Variants in C13orf42 observed in about 807,000 individuals in gnomAD.
The protein encoded by C13orf42 is chromosome 13 open reading frame 42.
chr13:51,169,314 A>T (rs1953926740), intron 1 of C13orf42, among the ~76,000 whole-genome samples: 1 of 152,228 alleles, frequency 6.6e-6, no homozygotes, highest in Admixed American at 6.5e-5. Context: ...ATTTATTGAG[A>T]ACCAGAGCCA....
chr13:51,138,392 C>T (rs1953672928), intron 1 of C13orf42, among the ~76,000 whole-genome samples: 1 of 151,986 alleles, frequency 6.6e-6, no homozygotes, highest in Non-Finnish European at 1.5e-5. Flanking sequence ...ACCTAATAAC[C>T]TAATTTTAAA....
At chr13:51,161,314 G>C (rs148377533) in intron 1 of C13orf42, among the ~76,000 whole-genome samples, 40 of 151,864 alleles carry the variant, frequency 2.6e-4, no homozygotes, top group African/African-American at 8.9e-4. Flanking sequence ...GAAATGCATG[G>C]ATGTATGAGC....
chr13:51,085,280 G>A (rs1200167360), intron 3 of C13orf42, 39 bp downstream of exon 3: 7 of 397,120 alleles, frequency 1.8e-5, no homozygotes, highest in Non-Finnish European at 2.2e-5. Context: ...TGGAGGCCAC[G>A]AGAACATCTT....
At chr13:51,115,038 A>G (rs1400698730), upstream of C13orf42, among the ~76,000 whole-genome samples, 1 of 152,182 alleles carries the variant, frequency 6.6e-6, no homozygotes, top group Non-Finnish European at 1.5e-5. Flanking sequence ...TAAATGAGAT[A>G]ATAGAGAGCA....
In C13orf42 at chr13:51,169,922, C is replaced by T. The variant is rs9591397; in HGVS notation, n.136+2331G>A. 3.6e-3 allele frequency among the ~76,000 whole-genome samples: 546 copies of T among 152,314 alleles called. 5 individuals carry two copies. The highest frequency in any genetic ancestry group is 0.011 in the African/African-American group (463 of 41,548). ...GCATCCCCTGTGACTTGCATGTATACGCCCAGATGGCCTGAAGTAACTGAA... is the reference window on the plus strand; with the variant it reads ...GCATCCCCTGTGACTTGCATGTATATGCCCAGATGGCCTGAAGTAACTGAA... On this transcript the variant is annotated intron_variant and non_coding_transcript_variant, in intron 1 of 4. Coordinates refer to the C13orf42 transcript ENST00000433280.
chr13:51,115,066 CTCAA>C (rs140176331), upstream of C13orf42, among the ~76,000 whole-genome samples: 1,851 of 152,198 alleles, frequency 0.012, 35 homozygotes, highest in African/African-American at 0.041. Context: ...TGCATATTTG[CTCAA>C]TCATAGTAAT....
intron 1 of C13orf42, among the ~76,000 whole-genome samples, chr13:51,108,679 T>C (rs1953390419): frequency 6.6e-6 from 1 of 152,220 alleles, no homozygotes; most frequent in African/African-American, 2.4e-5. Flanking sequence ...ATCATTTCCA[T>C]TACTACCTGA....
chr13:51,141,095 G>GGGGTGTGT (rs1555268146), intron 1 of C13orf42, among the ~76,000 whole-genome samples: 2 of 128,498 alleles, frequency 1.6e-5, no homozygotes, highest in African/African-American at 5.9e-5. Context: ...ATCGAAGGGA[G>GGGGTGTGT]GTGTGTGTGT....
intron 2 of C13orf42, among the ~76,000 whole-genome samples, chr13:51,086,016 C>CA (rs1007251140): frequency 6.6e-6 from 1 of 151,030 alleles, no homozygotes; most frequent in Non-Finnish European, 1.5e-5. Context: ...GACTCCGTCT[C>CA]AAAAAAAAGG....
At chr13:51,128,218 G>A (rs1435528822) in intron 1 of C13orf42, among the ~76,000 whole-genome samples, 5 of 152,234 alleles carry the variant, frequency 3.3e-5, no homozygotes, top group African/African-American at 1.2e-4. Context: ...TCTGCCTATG[G>A]AGTAGCCATT....
At chr13:51,110,267 A>G (rs1449906174) in intron 1 of C13orf42, among the ~76,000 whole-genome samples, 1 of 152,234 alleles carries the variant, frequency 6.6e-6, no homozygotes. Context: ...TTTGTTGAAA[A>G]ATGATTTGCT....
chr13:51,104,081 T>C (rs1338125910), intron 1 of C13orf42, among the ~76,000 whole-genome samples: 1 of 152,228 alleles, frequency 6.6e-6, no homozygotes, highest in Admixed American at 6.5e-5. Flanking sequence ...GAAATAATTG[T>C]CAAACCTTTT....
chr13:51,150,332 G>C (rs149560483), intron 1 of C13orf42, among the ~76,000 whole-genome samples: 1 of 152,144 alleles, frequency 6.6e-6, no homozygotes, highest in Non-Finnish European at 1.5e-5. Flanking sequence ...AGCCACCAGC[G>C]TATCCTACTG....
chr13:51,109,106 T>C (rs1303290704), intron 1 of C13orf42, among the ~76,000 whole-genome samples: 1 of 152,178 alleles, frequency 6.6e-6, no homozygotes, highest in Non-Finnish European at 1.5e-5. Context: ...GGCCCACAGA[T>C]CTACAGCTGG....
chr13:51,128,171 AC>A (rs1476244407), intron 1 of C13orf42, among the ~76,000 whole-genome samples: 1 of 152,232 alleles, frequency 6.6e-6, no homozygotes, highest in Non-Finnish European at 1.5e-5. Flanking sequence ...TCAAGAAATA[AC>A]CATAAAAATG....
chr13:51,148,710 G>A (rs1457723226), intron 1 of C13orf42, among the ~76,000 whole-genome samples: 1 of 152,238 alleles, frequency 6.6e-6, no homozygotes, highest in Non-Finnish European at 1.5e-5. Context: ...ACGTGCCTTA[G>A]GAAAAGGAAG....
intron 1 of C13orf42, among the ~76,000 whole-genome samples, chr13:51,108,173 G>A (rs1357348177): frequency 1.3e-5 from 2 of 152,136 alleles, no homozygotes; most frequent in Non-Finnish European, 2.9e-5. Context: ...ATGGGATTAG[G>A]GGCCCACCCT....
chr13:51,113,053 G>A (rs541859133), upstream of C13orf42: 40 of 152,234 alleles, frequency 2.6e-4, no homozygotes, highest in Middle Eastern at 3.4e-3. Flanking sequence ...TTACAATTAC[G>A]CTTATTCTAC....
chr13:51,138,304 A>G (rs1323597355), intron 1 of C13orf42, among the ~76,000 whole-genome samples: 1 of 152,248 alleles, frequency 6.6e-6, no homozygotes, highest in African/African-American at 2.4e-5. Flanking sequence ...CACTACAGTT[A>G]TCTTGTACTG....
Sources: allele counts gnomAD v4.1 joint callset (sites outside exome capture counted in the v4.1 genomes callset), GRCh38; gene constraint gnomAD v4.1.1; transcripts MANE v1.5; gene names NCBI Gene and HGNC (gene_info 2026-07-23, HGNC 2026-07-21).